MICALL2: variants seen among roughly 807,000 people sequenced by gnomAD.
MICALL2 encodes the protein MICAL-like protein 2.
MICALL2 carries 111 observed loss-of-function variants against 91.1 expected under a neutral mutation model. That is an observed-to-expected ratio of 1.22 (90% CI 1.04 to 1.43). The LOEUF (loss-of-function observed/expected upper bound fraction) is 1.43, where lower values mean the gene tolerates loss of function less well. MICALL2 is among the 40% of genes most tolerant of loss of function. The probability of loss-of-function intolerance (pLI) is 0.00; values close to 1 mark genes in which losing one functional copy is unlikely to be tolerated. For synonymous variants in MICALL2, 694 were observed against 525.3 expected (o/e 1.32, Z -4.39); for missense variants, 1,556 against 1,236.0 (o/e 1.26, Z -3.88).
chr7:1,449,840 C>T (rs900163222), intron 2 of MICALL2, among the ~76,000 whole-genome samples: 1 of 152,234 alleles, frequency 6.6e-6, no homozygotes, highest in Non-Finnish European at 1.5e-5. Flanking sequence ...CTGGCAGGGC[C>T]GGAAGGCAGG....
intron 13 of MICALL2, 98 bp downstream of exon 13, chr7:1,437,792 A>C: frequency 8.0e-7 from 1 of 1,245,538 alleles, no homozygotes; most frequent in Non-Finnish European, 1.1e-6. Flanking sequence ...ACAGACATGC[A>C]TCTGAGGCCT....
At chr7:1,436,899 C>T in intron 14 of MICALL2, 43 bp from the exon 15 acceptor site, 1 of 1,410,438 alleles carries the variant, frequency 7.1e-7, no homozygotes, top group Non-Finnish European at 9.5e-7. Context: ...CCACCACTGC[C>T]ATGCCCCTCA....
At chr7:1,457,712 C>T (rs759017199) in intron 1 of MICALL2, among the ~76,000 whole-genome samples, 20 of 152,220 alleles carry the variant, frequency 1.3e-4, no homozygotes, top group Non-Finnish European at 2.5e-4. Flanking sequence ...CAGAGGGCCC[C>T]AAATCTCCGG....
At chr7:1,456,098 G>A (rs1353615554) in intron 1 of MICALL2, among the ~76,000 whole-genome samples, 2 of 151,902 alleles carry the variant, frequency 1.3e-5, no homozygotes, top group Non-Finnish European at 2.9e-5. Flanking sequence ...ACGGGATGGG[G>A]GTGATGAAGG....
At chr7:1,457,583 C>T (rs1781066014) in intron 1 of MICALL2, among the ~76,000 whole-genome samples, 1 of 152,232 alleles carries the variant, frequency 6.6e-6, no homozygotes, top group Admixed American at 6.5e-5. Flanking sequence ...ACTGTCAGTG[C>T]ACTGAGGAGA....
At chr7:1,455,524 A>G (rs1291599404) in intron 1 of MICALL2, among the ~76,000 whole-genome samples, 1 of 147,610 alleles carries the variant, frequency 6.8e-6, no homozygotes, top group Non-Finnish European at 1.6e-5. Flanking sequence ...TCCTGGCCGT[A>G]AAGCGGAGAT....
At position 1,452,739 on chromosome 7, in the gene MICALL2, G is replaced by C. The variant is rs1244483081; in HGVS notation, c.144-2451C>G. Among the ~76,000 whole-genome samples the C allele has an allele frequency of 6.6e-6, 1 of 152,162 alleles. No homozygotes were observed. The highest frequency in any genetic ancestry group is 1.5e-5 in the Non-Finnish European group (1 of 68,026). ...CACCCCAGGCCCTCTGGACACACCA[G>C]AGCCAGTGCCCACACGGCACAGGTC... On this transcript the variant is annotated intron_variant, in intron 1 of 16. Coordinates refer to ENST00000297508, the MANE Select transcript of MICALL2 (RefSeq NM_182924.4). This position sits in a 1 kb window ranked among gnomAD's most constrained non-coding sequence, Gnocchi z 6.2.
At chr7:1,459,145 G>C in intron 1 of MICALL2, 39 bp downstream of exon 1, 1 of 1,576,602 alleles carries the variant, frequency 6.3e-7, no homozygotes. Flanking sequence ...GCGCGCAGCC[G>C]AACAGCAGAA....
chr7:1,439,325 C>G, intron 9 of MICALL2: 1 of 321,464 alleles, frequency 3.1e-6, no homozygotes. Context: ...CACACGAACA[C>G]GGGTGCACAC....
At chr7:1,439,364 A>C in intron 9 of MICALL2, 2 of 240,668 alleles carry the variant, frequency 8.3e-6, no homozygotes, top group Non-Finnish European at 1.6e-5. Flanking sequence ...CATTCATGAA[A>C]CAGATCCACA....
rs1182045142 is a variant in MICALL2 at position 1,434,551 on chromosome 7, A to G, written c.*45T>C. Reference sequence around the variant, plus strand: ...GGCCAAGCCCATGGCCCCGAGTCCAAGTCCGGATGCCAGGTCCGGGCCGAG... The same window carrying G: ...GGCCAAGCCCATGGCCCCGAGTCCAGGTCCGGATGCCAGGTCCGGGCCGAG... On this transcript the variant is annotated 3_prime_UTR_variant, in exon 17 of 17. Transcript: ENST00000297508. 2.6e-6 allele frequency: 4 copies of G among 1,548,232 alleles called. No individual in the cohort carries two copies. The highest frequency in any genetic ancestry group is 4.5e-5 in the East Asian group (2 of 44,508).
At chr7:1,437,102 C>T (rs2128518930) in intron 14 of MICALL2, 2 of 490,414 alleles carry the variant, frequency 4.1e-6, no homozygotes, top group Non-Finnish European at 7.1e-6. Context: ...GAGATATGGA[C>T]ACTGAGGCTC....
intron 4 of MICALL2, 67 bp downstream of exon 4, chr7:1,447,508 C>T (rs1780652146): frequency 9.8e-7 from 1 of 1,023,720 alleles, no homozygotes; most frequent in Non-Finnish European, 1.4e-6. Flanking sequence ...CGTAGTCCCA[C>T]AAGCCCCTTC....
intron 1 of MICALL2, 103 bp from the exon 2 acceptor site, chr7:1,450,391 G>C: frequency 2.1e-6 from 2 of 934,964 alleles, no homozygotes; most frequent in Admixed American, 1.8e-5. Flanking sequence ...ACCGAGGCCA[G>C]GATGGGGGGC....
chr7:1,445,577 TC>T, intron 5 of MICALL2, 149 bp from the exon 6 acceptor site: 2 of 719,620 alleles, frequency 2.8e-6, no homozygotes, highest in Non-Finnish European at 4.5e-6. Context: ...CACCACGTGC[TC>T]CTGAGAGCAG....
chr7:1,439,312 TCA>T (rs1780144543), intron 9 of MICALL2: 1 of 354,912 alleles, frequency 2.8e-6, no homozygotes, highest in Admixed American at 4.5e-5. Context: ...CACACACGCA[TCA>T]CACACGAACA....
intron 6 of MICALL2, among the ~76,000 whole-genome samples, chr7:1,442,687 T>C (rs561485905): frequency 1.3e-3 from 179 of 135,368 alleles, no homozygotes; most frequent in Middle Eastern, 3.6e-3. Flanking sequence ...TGCACCAGGC[T>C]GCCCCTCTGC....
At chr7:1,453,101 C>A (rs1370608164) in intron 1 of MICALL2, among the ~76,000 whole-genome samples, 1 of 152,024 alleles carries the variant, frequency 6.6e-6, no homozygotes, top group Non-Finnish European at 1.5e-5. Context: ...GTCTCGCAAG[C>A]CCCACCAACA....
chr7:1,450,971 G>A (rs953147692), intron 1 of MICALL2, among the ~76,000 whole-genome samples: 2 of 151,928 alleles, frequency 1.3e-5, no homozygotes, highest in East Asian at 3.9e-4. Flanking sequence ...ACAGCGGCTC[G>A]GGGACCTGCC....
Sources: allele counts gnomAD v4.1 joint callset (sites outside exome capture counted in the v4.1 genomes callset), GRCh38; gene constraint gnomAD v4.1.1; non-coding constraint Gnocchi (gnomAD v3.1); transcripts MANE v1.5; gene names NCBI Gene and HGNC (gene_info 2026-07-23, HGNC 2026-07-21).